The following ALK variants were observed in gnomAD, a reference collection of about 807,000 sequenced individuals.
ALK encodes ALK receptor tyrosine kinase, also known as ALK tyrosine kinase receptor.
ALK carries 74 observed loss-of-function variants against 163.1 expected under a neutral mutation model. That is an observed-to-expected ratio of 0.45 (90% CI 0.38 to 0.55). The LOEUF (loss-of-function observed/expected upper bound fraction) is 0.55, where lower values mean the gene tolerates loss of function less well. Ranked by LOEUF, ALK falls within the 20% of genes least tolerant of loss-of-function variation. ALK has a pLI of 0.00. For missense variants in ALK, 2,063 were observed against 2,105.3 expected (o/e 0.98, Z 0.39); for synonymous variants, 960 against 843.2 (o/e 1.14, Z -2.40).
intron 3 of ALK, among the ~76,000 whole-genome samples, chr2:29,666,998 T>C (rs1677532688): frequency 6.6e-6 from 1 of 152,086 alleles, no homozygotes; most frequent in Non-Finnish European, 1.5e-5. Context: ...GTTCCATCCA[T>C]GTTGCTGCAA....
intron 25 of ALK, among the ~76,000 whole-genome samples, chr2:29,209,236 A>G (rs1291911351): frequency 6.6e-6 from 1 of 152,166 alleles, no homozygotes. Flanking sequence ...ACCGATGGAC[A>G]ACCTAATTAA....
At chr2:29,537,606 T>C (rs1020076472) in intron 3 of ALK, among the ~76,000 whole-genome samples, 3 of 152,136 alleles carry the variant, frequency 2.0e-5, no homozygotes, top group Non-Finnish European at 4.4e-5. Flanking sequence ...AAATGCGGGG[T>C]TGGAGCCTCT....
chr2:29,219,978 G>C (rs1669757300), intron 23 of ALK, among the ~76,000 whole-genome samples: 1 of 152,202 alleles, frequency 6.6e-6, no homozygotes. Context: ...GCTGCAGAGT[G>C]ACCTGCCCAG....
intron 24 of ALK, among the ~76,000 whole-genome samples, chr2:29,211,430 G>A (rs928231043): frequency 2.6e-5 from 4 of 152,318 alleles, no homozygotes; most frequent in South Asian, 2.1e-4. Flanking sequence ...AAAAGTGATC[G>A]TGAATTTAAT....
At chr2:29,501,508 G>A (rs928817531) in intron 4 of ALK, among the ~76,000 whole-genome samples, 2 of 152,118 alleles carry the variant, frequency 1.3e-5, no homozygotes, top group African/African-American at 2.4e-5. Context: ...CCTTTCTTTG[G>A]AGGATGCCCA....
intron 3 of ALK, among the ~76,000 whole-genome samples, chr2:29,653,424 G>T (rs1364482872): frequency 6.6e-6 from 1 of 152,046 alleles, no homozygotes; most frequent in South Asian, 2.1e-4. Context: ...CCAAGAATTA[G>T]ACTCGAGAAG....
intron 6 of ALK, among the ~76,000 whole-genome samples, chr2:29,324,035 G>A (rs1033391377): frequency 6.6e-6 from 1 of 152,208 alleles, no homozygotes; most frequent in Admixed American, 6.5e-5. Context: ...GCATTTTTAA[G>A]AGGCTCCCCT....
chr2:29,504,080 T>C (rs1672253331), intron 4 of ALK, among the ~76,000 whole-genome samples: 1 of 152,106 alleles, frequency 6.6e-6, no homozygotes, highest in Admixed American at 6.5e-5. Flanking sequence ...AACACAACAC[T>C]GAGACAGAGG....
At chr2:29,261,262 C>G (rs1255059987) in intron 11 of ALK, among the ~76,000 whole-genome samples, 3 of 152,128 alleles carry the variant, frequency 2.0e-5, no homozygotes, top group Non-Finnish European at 4.4e-5. Flanking sequence ...GTGCTTTGAC[C>G]TATCTCACTT....
chr2:29,654,199 A>C (rs1337804112), intron 3 of ALK, among the ~76,000 whole-genome samples: 1 of 152,200 alleles, frequency 6.6e-6, no homozygotes, highest in African/African-American at 2.4e-5. Context: ...ACAGGTCTAA[A>C]AGATTAAAAG....
At chr2:29,463,232 A>G (rs1671128689) in intron 4 of ALK, among the ~76,000 whole-genome samples, 1 of 152,208 alleles carries the variant, frequency 6.6e-6, no homozygotes, top group African/African-American at 2.4e-5. Flanking sequence ...GAAATACCCA[A>G]GGAAATTAGT....
chr2:29,346,615 T>C (rs1667956331), intron 5 of ALK, among the ~76,000 whole-genome samples: 1 of 152,246 alleles, frequency 6.6e-6, no homozygotes. Context: ...AACATCTGAT[T>C]TCCATTGACA....
At chr2:29,297,084 C>A (rs1376142803) in intron 8 of ALK, 27 bp from the exon 9 acceptor site, 2 of 1,613,912 alleles carry the variant, frequency 1.2e-6, no homozygotes, top group Non-Finnish European at 1.7e-6. Flanking sequence ...AGTCAGAGGA[C>A]AAGGTATGAT....
intron 24 of ALK, among the ~76,000 whole-genome samples, chr2:29,213,731 C>T (rs1669522804): frequency 1.3e-5 from 2 of 152,158 alleles, no homozygotes; most frequent in South Asian, 4.1e-4. Flanking sequence ...TGCCTGAAAT[C>T]CTAGCATTTC....
intron 9 of ALK, among the ~76,000 whole-genome samples, chr2:29,288,965 AAT>A (rs1378354299): frequency 0.056 from 7,431 of 132,330 alleles, 908 homozygotes; most frequent in East Asian, 0.065. Flanking sequence ...AAAATAAATA[AAT>A]AAATAAATAA....
intron 4 of ALK, among the ~76,000 whole-genome samples, chr2:29,468,939 G>A (rs922053990): frequency 4.3e-4 from 65 of 151,098 alleles, no homozygotes; most frequent in African/African-American, 1.6e-3. Flanking sequence ...TTATGCCTGA[G>A]GTTGCAATTT....
chr2:29,646,774 A>G (rs1676887608), intron 3 of ALK, among the ~76,000 whole-genome samples: 1 of 152,120 alleles, frequency 6.6e-6, no homozygotes, highest in East Asian at 1.9e-4. Flanking sequence ...TGTCACACAA[A>G]GCTTTCCTGA....
At chr2:29,313,863 C>G (rs920965401) in intron 8 of ALK, among the ~76,000 whole-genome samples, 3 of 152,142 alleles carry the variant, frequency 2.0e-5, no homozygotes, top group Non-Finnish European at 4.4e-5. Flanking sequence ...CCATCTGATA[C>G]TAAGTTTTCT....
chr2:29,707,241 C>G (rs895785357), intron 2 of ALK, among the ~76,000 whole-genome samples: 59 of 152,184 alleles, frequency 3.9e-4, no homozygotes, highest in Non-Finnish European at 6.2e-4. Context: ...GACGGACCTC[C>G]CCACTTACTC....
Sources: allele counts gnomAD v4.1 joint callset (sites outside exome capture counted in the v4.1 genomes callset), GRCh38; gene constraint gnomAD v4.1.1; transcripts MANE v1.5; gene names NCBI Gene and HGNC (gene_info 2026-07-23, HGNC 2026-07-21).